The following VPS13D variants were observed in gnomAD, a reference collection of about 807,000 sequenced individuals.
The protein encoded by VPS13D is intermembrane lipid transfer protein VPS13D.
Under a neutral mutation model 461.9 loss-of-function variants are expected in VPS13D, and 187 were observed. The ratio of observed to expected loss-of-function variants is 0.40; its 90% CI spans 0.36 to 0.46. The LOEUF (loss-of-function observed/expected upper bound fraction) is 0.46, where lower values mean the gene tolerates loss of function less well. Ranked by LOEUF, VPS13D falls within the 20% of genes least tolerant of loss-of-function variation. VPS13D has a pLI of 0.60. For missense variants in VPS13D, 4,711 were observed against 5,364.9 expected, an observed-to-expected ratio of 0.88 and a Z score of 3.81; for synonymous variants, 1,951 against 1,986.3, an observed-to-expected ratio of 0.98 and a Z score of 0.47.
chr1:12,428,768 C>T lies in VPS13D; in HGVS notation c.12333+11941C>T, dbSNP rs187426179. 5.3e-5 allele frequency among the ~76,000 whole-genome samples: 8 copies of T among 152,322 alleles called. No individual in the cohort carries two copies. The East Asian group carries it at 1.2e-3, about 22-fold the overall frequency. On this transcript the variant is annotated intron_variant, in intron 65 of 69. Coordinates refer to ENST00000620676, the MANE Select transcript of VPS13D (RefSeq NM_015378.4). ...CATTTGTGCACACATCTCTGATATCCGTCAACATTTCTCACATCACCAATT... is the reference window on the plus strand; with the variant it reads ...CATTTGTGCACACATCTCTGATATCTGTCAACATTTCTCACATCACCAATT...
At chr1:12,450,219 C>T (rs549732044) in intron 65 of VPS13D, among the ~76,000 whole-genome samples, 52 of 152,274 alleles carry the variant, frequency 3.4e-4, no homozygotes, top group Non-Finnish European at 6.9e-4. Flanking sequence ...CACCAGCATG[C>T]GTGTTTGGTA....
Position 12,447,857 on chromosome 1 carries a change from T to G in VPS13D, c.12334-8141T>G, listed in dbSNP as rs144282149. Among the ~76,000 whole-genome samples the G allele has an allele frequency of 2.0e-5, 3 of 152,344 alleles. No homozygotes were observed. In the East Asian group the frequency reaches 5.8e-4, roughly 29 times the overall value. Reference sequence around the variant, plus strand: ...TTCTGTTGAGGAATGTTCGGTTTCATTTCTAAAGTTCTGTATTTTGCGATT... The same window carrying G: ...TTCTGTTGAGGAATGTTCGGTTTCAGTTCTAAAGTTCTGTATTTTGCGATT... On this transcript the variant is annotated intron_variant, in intron 65 of 69. Coordinates refer to ENST00000620676, the MANE Select transcript of VPS13D (RefSeq NM_015378.4).
chr1:12,444,570 C>A (rs1192569942), intron 65 of VPS13D, among the ~76,000 whole-genome samples: 1 of 152,074 alleles, frequency 6.6e-6, no homozygotes, highest in Non-Finnish European at 1.5e-5. Context: ...TGTATTTTCA[C>A]CCCCTTGGTT....
intron 13 of VPS13D, among the ~76,000 whole-genome samples, chr1:12,262,383 A>G (rs1390956640): frequency 3.9e-5 from 6 of 152,222 alleles, no homozygotes; most frequent in East Asian, 1.9e-4. Context: ...GGATTTTTCA[A>G]CTTTACAAGT....
chr1:12,425,256 C>T (rs964474111), intron 65 of VPS13D, among the ~76,000 whole-genome samples: 10 of 151,928 alleles, frequency 6.6e-5, no homozygotes, highest in East Asian at 3.9e-4. Flanking sequence ...GTCAATATGA[C>T]GGTTAAAAAT....
intron 37 of VPS13D, among the ~76,000 whole-genome samples, chr1:12,332,795 C>A (rs1643363412): frequency 6.6e-6 from 1 of 152,226 alleles, no homozygotes; most frequent in Non-Finnish European, 1.5e-5. Context: ...AGTGAGCCTT[C>A]ATATGTACCT....
chr1:12,340,717 C>G (rs1643549603), intron 40 of VPS13D, among the ~76,000 whole-genome samples: 1 of 152,224 alleles, frequency 6.6e-6, no homozygotes. Context: ...TGGTCTTTCT[C>G]ACGCTGTCTT....
chr1:12,371,435 G>A (rs1418235037), intron 54 of VPS13D, among the ~76,000 whole-genome samples: 1 of 148,784 alleles, frequency 6.7e-6, no homozygotes, highest in Non-Finnish European at 1.5e-5. Context: ...TTGTTTCCCA[G>A]GCTGGAGTGC....
chr1:12,256,092 T>C (rs1364656592), intron 7 of VPS13D, among the ~76,000 whole-genome samples: 3 of 152,078 alleles, frequency 2.0e-5, no homozygotes, highest in Non-Finnish European at 4.4e-5. Flanking sequence ...CTCAGCACTT[T>C]GGGAGGTGGG....
chr1:12,428,804 C>T (rs1169904233), intron 65 of VPS13D, among the ~76,000 whole-genome samples: 3 of 152,146 alleles, frequency 2.0e-5, no homozygotes, highest in Non-Finnish European at 4.4e-5. Context: ...AGGTGCTGGG[C>T]GCTGTGAAAG....
rs1644492029 is a variant in VPS13D at position 12,396,010 on chromosome 1, T to TAG, written c.11635-4170_11635-4169insGA. Among the ~76,000 whole-genome samples, 6 of 134,476 alleles carry TAG rather than the reference T, an allele frequency of 4.5e-5. 1 individual carries two copies. The highest frequency in any genetic ancestry group is 1.5e-4 in the African/African-American group (5 of 33,690). 88.2% of individuals were successfully genotyped at this position (134,476 alleles called of 152,430 possible). A position where few individuals can be genotyped will look rare whatever the true frequency, so the allele number is the denominator to read the frequency against. On this transcript the variant is annotated intron_variant, in intron 60 of 69. Coordinates refer to ENST00000620676, the MANE Select transcript of VPS13D (RefSeq NM_015378.4). ...AACTAATAGGAGATATATATATATA[T>TAG]ATATATATATATATATATAGTTCTT...
chr1:12,371,771 A>G (rs770961839), intron 54 of VPS13D, among the ~76,000 whole-genome samples: 2 of 152,022 alleles, frequency 1.3e-5, no homozygotes, highest in Non-Finnish European at 2.9e-5. Context: ...TTATCCAGTT[A>G]TTTGTTGATG....
rs368769487 is a variant in VPS13D at position 12,455,682 on chromosome 1, GC to G, written c.12334-314del. Among the ~76,000 whole-genome samples, 233 of 152,286 alleles carry G rather than the reference GC, an allele frequency of 1.5e-3. 10 individuals carry two copies. The South Asian group carries it at 0.047, about 30-fold the overall frequency. On this transcript the variant is annotated intron_variant, in intron 65 of 69. Transcript: ENST00000620676. The stretch of plus-strand genomic sequence containing the variant: ...GCCTGTAATCCCAGCACTTTGGGAG[GC>G]CTAGGTGGGCAGATCACTTGAGGTC...
intron 35 of VPS13D, among the ~76,000 whole-genome samples, chr1:12,325,633 G>A (rs2101539661): frequency 6.6e-6 from 1 of 152,052 alleles, no homozygotes; most frequent in African/African-American, 2.4e-5. Context: ...TTAATGTACT[G>A]GTAGATTCTG....
At chr1:12,234,052 A>G (rs1404123951) in intron 1 of VPS13D, 139 bp from the exon 2 acceptor site, 1 of 417,310 alleles carries the variant, frequency 2.4e-6, no homozygotes, top group South Asian at 3.1e-5. Flanking sequence ...GTCTCAAAAC[A>G]AAAACAAAAA....
intron 16 of VPS13D, among the ~76,000 whole-genome samples, chr1:12,269,678 A>T (rs971090253): frequency 6.6e-6 from 1 of 152,260 alleles, no homozygotes; most frequent in Non-Finnish European, 1.5e-5. Context: ...TTGAAACAGT[A>T]GGTGCAGAAA....
intron 6 of VPS13D, among the ~76,000 whole-genome samples, chr1:12,252,398 A>G (rs1050343323): frequency 6.6e-6 from 1 of 152,152 alleles, no homozygotes; most frequent in Non-Finnish European, 1.5e-5. Flanking sequence ...TTCCCTGAAG[A>G]TATCAGGCCT....
At chr1:12,369,428 G>A (rs1644086527) in intron 53 of VPS13D, 39 bp from the exon 54 acceptor site, 1 of 1,597,254 alleles carries the variant, frequency 6.3e-7, no homozygotes, top group Non-Finnish European at 8.6e-7. Context: ...ACCCCACTCT[G>A]AATGAAAGTC....
At chr1:12,312,040 C>CGG in intron 29 of VPS13D, 115 bp downstream of exon 29, 18 of 717,310 alleles carry the variant, frequency 2.5e-5, no homozygotes, top group South Asian at 7.5e-5. Flanking sequence ...GGAATGTTGT[C>CGG]TGCAGAGTGT....
Sources: allele counts gnomAD v4.1 joint callset (sites outside exome capture counted in the v4.1 genomes callset), GRCh38; gene constraint gnomAD v4.1.1; transcripts MANE v1.5; gene names NCBI Gene and HGNC (gene_info 2026-07-23, HGNC 2026-07-21).